The following TACR1 variants were observed in gnomAD, a reference collection of about 807,000 sequenced individuals.
TACR1 encodes the protein tachykinin receptor 1.
A neutral mutation model predicts 35.8 loss-of-function variants in TACR1; 25 were observed. That is an observed-to-expected ratio of 0.70 (90% confidence interval 0.51 to 0.98). The LOEUF (loss-of-function observed/expected upper bound fraction) is 0.98. Ranked by LOEUF, TACR1 falls within the 50% of genes least tolerant of loss-of-function variation. TACR1 has a pLI of 0.00. For synonymous variants in TACR1, 195 were observed against 206.7 expected (o/e 0.94, Z 0.48); for missense variants, 478 against 522.9 (o/e 0.91, Z 0.84).
chr2:75,137,292 T>G (rs910266398), intron 1 of TACR1, among the ~76,000 whole-genome samples: 2 of 152,222 alleles, frequency 1.3e-5, no homozygotes, highest in African/African-American at 2.4e-5. Context: ...TTTATTTCAC[T>G]TCTACAAGTT....
At chr2:75,135,525 C>T (rs1167585303) in intron 1 of TACR1, among the ~76,000 whole-genome samples, 1 of 152,146 alleles carries the variant, frequency 6.6e-6, no homozygotes, top group Non-Finnish European at 1.5e-5. Context: ...CCGTGCTATC[C>T]GTGCTACTGG....
Position 75,132,918 on chromosome 2 carries a change from A to G in TACR1, c.390-12150T>C, listed in dbSNP as rs147135920. On this transcript the variant is annotated intron_variant, in intron 1 of 4. Transcript: ENST00000305249. ...ATTTTTTTTGTTTTCTGTCGACAGCACCAAGGTTGGAGATGGGCAAGTTTC... is the reference window on the plus strand; with the variant it reads ...ATTTTTTTTGTTTTCTGTCGACAGCGCCAAGGTTGGAGATGGGCAAGTTTC... 3.5e-3 allele frequency among the ~76,000 whole-genome samples: 540 copies of G among 152,290 alleles called. 4 individuals carry two copies. Among genetic ancestry groups the G allele is most frequent in the Admixed American group, 5.6e-3 (86 of 15,292 alleles).
chr2:75,052,700 T>C (rs1672491836), intron 3 of TACR1, among the ~76,000 whole-genome samples: 1 of 152,156 alleles, frequency 6.6e-6, no homozygotes, highest in South Asian at 2.1e-4. Context: ...TATTTATAAG[T>C]GCCAATAGCT....
chr2:75,056,348 C>A (rs894463445), intron 2 of TACR1, among the ~76,000 whole-genome samples: 2 of 152,180 alleles, frequency 1.3e-5, no homozygotes, highest in African/African-American at 4.8e-5. Flanking sequence ...TGCTTGCTTT[C>A]TTGGGCTCTT....
rs114341250 is a variant in TACR1 at position 75,168,097 on chromosome 2, C to T, written c.389+30449G>A. On this transcript the variant is annotated intron_variant, in intron 1 of 4. Transcript: ENST00000305249. The stretch of plus-strand genomic sequence containing the variant: ...GAAATTCCAATTTTAGAAGTTTGCC[C>T]TGTGGAAATACTCAGTTTTCACAGA... 6.9e-3 allele frequency among the ~76,000 whole-genome samples: 1,043 copies of T among 152,218 alleles called. 10 individuals carry two copies. Among genetic ancestry groups the T allele is most frequent in the African/African-American group, 0.024 (991 of 41,534 alleles).
chr2:75,095,806 G>A (rs1024064630), intron 2 of TACR1, among the ~76,000 whole-genome samples: 2 of 152,082 alleles, frequency 1.3e-5, no homozygotes, highest in Admixed American at 6.6e-5. Flanking sequence ...AGGATGCTTC[G>A]TCCATCCCCC....
chr2:75,124,216 T>C (rs978636453), intron 1 of TACR1, among the ~76,000 whole-genome samples: 2 of 152,246 alleles, frequency 1.3e-5, no homozygotes, highest in African/African-American at 2.4e-5. Context: ...TCTTGCATGA[T>C]GATGCTTTAT....
intron 2 of TACR1, among the ~76,000 whole-genome samples, chr2:75,093,356 A>C (rs775800005): frequency 2.0e-5 from 3 of 152,200 alleles, no homozygotes; most frequent in Non-Finnish European, 4.4e-5. Context: ...AAGGAAGCAG[A>C]AGGCTTGTCA....
At chr2:75,129,057 C>T (rs1465662117) in intron 1 of TACR1, among the ~76,000 whole-genome samples, 1 of 152,024 alleles carries the variant, frequency 6.6e-6, no homozygotes, top group Admixed American at 6.6e-5. Context: ...GATAATAGGA[C>T]CACATTAGCT....
intron 1 of TACR1, among the ~76,000 whole-genome samples, chr2:75,123,156 C>CT (rs1674003843): frequency 1.3e-4 from 5 of 37,994 alleles, no homozygotes; most frequent in African/African-American, 8.3e-4. Context: ...GGATTATTTC[C>CT]CAAATGCAGC....
At position 75,154,406 on chromosome 2, in the gene TACR1, G is replaced by GCGCGCGCGCGCGCGCGCGCGCACA. The variant is rs1264139655; in HGVS notation, c.390-33639_390-33638insTGTGCGCGCGCGCGCGCGCGCGCG. On this transcript the variant is annotated intron_variant, in intron 1 of 4. Coordinates refer to ENST00000305249, the MANE Select transcript of TACR1 (RefSeq NM_001058.4). ...CAGGGAGATAATCAGCCAAGAGCGC[G>GCGCGCGCGCGCGCGCGCGCGCACA]CACGCACACACACACACACACACAC... The GCGCGCGCGCGCGCGCGCGCGCACA allele has an allele frequency of 1.1e-4, 9 of 78,510 alleles. 1 individual carries two copies. The highest frequency in any genetic ancestry group is 1.8e-4 in the Non-Finnish European group (7 of 39,450). 4.9% of individuals were successfully genotyped at this position (78,510 alleles called of 1,614,324 possible).
At chr2:75,066,668 T>C (rs1370638034) in intron 2 of TACR1, among the ~76,000 whole-genome samples, 1 of 152,202 alleles carries the variant, frequency 6.6e-6, no homozygotes, top group African/African-American at 2.4e-5. Context: ...CTGAAATATG[T>C]GGGAAAGACA....
intron 2 of TACR1, among the ~76,000 whole-genome samples, chr2:75,099,366 C>CT (rs1455811033): frequency 6.6e-6 from 1 of 152,206 alleles, no homozygotes; most frequent in Admixed American, 6.5e-5. Context: ...TCCCAAGTCA[C>CT]TTGCCTGAGT....
At chr2:75,144,802 T>C (rs541862995) in intron 1 of TACR1, among the ~76,000 whole-genome samples, 3 of 152,318 alleles carry the variant, frequency 2.0e-5, no homozygotes, top group African/African-American at 7.2e-5. Flanking sequence ...TTTCAAATTT[T>C]TAACTGGAAG....
At chr2:75,066,893 G>A (rs1056615780) in intron 2 of TACR1, among the ~76,000 whole-genome samples, 2 of 152,180 alleles carry the variant, frequency 1.3e-5, no homozygotes, top group Non-Finnish European at 2.9e-5. Flanking sequence ...ATGTGGGAGT[G>A]ATGACAGATT....
chr2:75,102,052 G>A (rs1192534155), intron 2 of TACR1, among the ~76,000 whole-genome samples: 1 of 152,200 alleles, frequency 6.6e-6, no homozygotes, highest in African/African-American at 2.4e-5. Context: ...GGCTCAAAAA[G>A]CATTAGTGCC....
At chr2:75,186,459 A>T (rs1400363658) in intron 1 of TACR1, among the ~76,000 whole-genome samples, 1 of 151,026 alleles carries the variant, frequency 6.6e-6, no homozygotes, top group Non-Finnish European at 1.5e-5. Flanking sequence ...CAGTGAGATG[A>T]GCGTTGATTT....
At chr2:75,169,966 T>A (rs1572976003) in intron 1 of TACR1, among the ~76,000 whole-genome samples, 1 of 152,338 alleles carries the variant, frequency 6.6e-6, no homozygotes, top group East Asian at 1.9e-4. Flanking sequence ...CAATTTTATT[T>A]CCAAAATTGC....
chr2:75,115,104 TGTG>T (rs1346340880), intron 2 of TACR1, among the ~76,000 whole-genome samples: 6 of 152,012 alleles, frequency 3.9e-5, no homozygotes, highest in African/African-American at 1.4e-4. Context: ...TGTGTGTGTG[TGTG>T]TGTGTGTGTG....
Sources: gnomAD v4.1 joint callset for allele counts (sites outside exome capture counted in the v4.1 genomes callset) on GRCh38, gnomAD v4.1.1 for gene constraint, MANE v1.5 for transcripts, NCBI Gene and HGNC (gene_info 2026-07-23, HGNC 2026-07-21) for gene names.